Variants in ICA1 observed in about 807,000 individuals in gnomAD.
ICA1 encodes islet cell autoantigen 1, also known as 69 kDa islet cell autoantigen.
A neutral mutation model predicts 71.0 loss-of-function variants in ICA1; 40 were observed. The observed-to-expected ratio is 0.56, with a 90% confidence interval of 0.44 to 0.73. The LOEUF is 0.73. ICA1 is among the 30% of genes least tolerant of loss of function. The pLI is 0.00. For missense variants in ICA1, 578 were observed against 576.5 expected (o/e 1.00, Z -0.03); for synonymous variants, 207 against 209.5 (o/e 0.99, Z 0.10).
intron 6 of ICA1, among the ~76,000 whole-genome samples, chr7:8,183,113 A>C (rs1782728431): frequency 6.6e-6 from 1 of 152,202 alleles, no homozygotes; most frequent in Non-Finnish European, 1.5e-5. Flanking sequence ...AACTAAATAG[A>C]CCGATTTACA....
chr7:8,260,215 C>T (rs1421532213), intron 1 of ICA1, among the ~76,000 whole-genome samples: 5 of 152,120 alleles, frequency 3.3e-5, no homozygotes, highest in Admixed American at 2.6e-4. Context: ...GCTAATGCTG[C>T]TTGCACCTGA....
Position 8,228,614 on chromosome 7 carries a change from T to C in ICA1, c.243A>G (p.Gln81=). 6.3e-7 allele frequency: 1 copy of C among 1,592,244 alleles called. No individual in the cohort carries two copies. Among genetic ancestry groups the C allele is most frequent in the Non-Finnish European group, 8.6e-7 (1 of 1,166,214 alleles). ...TGTCATACTTACAACATATCCTCTTTTGATAGAGTACAATTGCTTTCGATA... is the reference window on the plus strand; with the variant it reads ...TGTCATACTTACAACATATCCTCTTCTGATAGAGTACAATTGCTTTCGATA... ...LDLSKAIVLY[Q]KRICFLSQEE... The change falls in exon 4 of 14, where the codon CAA becomes CAG. Residue 81 remains glutamine, a synonymous_variant. Coordinates refer to ENST00000402384, the MANE Select transcript of ICA1 (RefSeq NM_001136020.3).
chr7:8,235,470 G>A (rs1158661206), intron 2 of ICA1, among the ~76,000 whole-genome samples: 1 of 152,178 alleles, frequency 6.6e-6, no homozygotes, highest in Non-Finnish European at 1.5e-5. Context: ...GTTCAGGAAG[G>A]TTGAAGTCAT....
intron 12 of ICA1, among the ~76,000 whole-genome samples, chr7:8,134,450 A>G (rs1480533793): frequency 6.6e-6 from 1 of 152,180 alleles, no homozygotes; most frequent in Non-Finnish European, 1.5e-5. Flanking sequence ...CATAGACCGA[A>G]AACGAGAGCA....
intron 1 of ICA1, among the ~76,000 whole-genome samples, chr7:8,238,585 A>G (rs1157645613): frequency 6.6e-6 from 1 of 152,132 alleles, no homozygotes; most frequent in Non-Finnish European, 1.5e-5. Flanking sequence ...ATATTTTCTC[A>G]TATTCTGTAG....
chr7:8,150,109 A>G (rs1479047662), intron 8 of ICA1, among the ~76,000 whole-genome samples: 2 of 152,250 alleles, frequency 1.3e-5, no homozygotes, highest in Non-Finnish European at 2.9e-5. Context: ...TTCTTTAAAA[A>G]TAAGATAGAA....
rs747283727 is a variant in ICA1 at position 8,156,852 on chromosome 7, C to T, written c.804+264G>A. The T allele has an allele frequency of 2.7e-6, 4 of 1,500,756 alleles. No homozygotes were observed. In the African/African-American group the frequency reaches 4.3e-5, roughly 16 times the overall value. 93.0% of individuals were successfully genotyped at this position (1,500,756 alleles called of 1,614,324 possible). A position where few individuals can be genotyped will look rare whatever the true frequency, so the allele number is the denominator to read the frequency against. On this transcript the variant is annotated intron_variant, in intron 8 of 13. Transcript: ENST00000402384. ...TTCACCACAATTCATCTCCCAGGAA[C>T]ATGTATCTCAAGGTTCAAGGTTCAA...
chr7:8,137,919 C>T (rs1793966564), intron 12 of ICA1, among the ~76,000 whole-genome samples: 1 of 152,132 alleles, frequency 6.6e-6, no homozygotes, highest in South Asian at 2.1e-4. Context: ...AGTTGTCTGC[C>T]CTGGTTGACT....
chr7:8,158,689 C>A (rs1421694577), intron 6 of ICA1, 37 bp from the exon 7 acceptor site: 2 of 1,596,120 alleles, frequency 1.3e-6, no homozygotes, highest in African/African-American at 2.7e-5. Context: ...ATCACCCTAA[C>A]CCTTAAGTAG....
intron 6 of ICA1, among the ~76,000 whole-genome samples, chr7:8,213,552 C>T (rs1035988377): frequency 6.6e-6 from 1 of 152,228 alleles, no homozygotes; most frequent in South Asian, 2.1e-4. Flanking sequence ...GACACTCTTG[C>T]ATTACTTAGT....
rs1016307142 is a variant in ICA1, at chr7:8,144,991, T to A, written c.805-1019A>T. Among the ~76,000 whole-genome samples the A allele has an allele frequency of 3.3e-5, 5 of 152,100 alleles. No individual in the cohort carries two copies. Among genetic ancestry groups the A allele is most frequent in the Admixed American group, 3.3e-4 (5 of 15,278 alleles). ...TGACTGGAGGGCCAGTGAAGATGGT[T>A]CTCAGGCTGTGTCTCGGCAGAGCAG... On this transcript the variant is annotated intron_variant, in intron 8 of 13. Transcript: ENST00000402384. The surrounding 1 kb of genome is among the most constrained non-coding windows in gnomAD (Gnocchi z 4.5).
At chr7:8,158,688 A>C in intron 6 of ICA1, 36 bp from the exon 7 acceptor site, 1 of 1,596,310 alleles carries the variant, frequency 6.3e-7, no homozygotes. Context: ...AATCACCCTA[A>C]CCCTTAAGTA....
intron 9 of ICA1, among the ~76,000 whole-genome samples, chr7:8,142,792 C>G (rs140217280): frequency 1.3e-5 from 2 of 152,236 alleles, no homozygotes; most frequent in East Asian, 3.8e-4. Context: ...ATAGCTAGCA[C>G]TATTACCATC....
rs1229718818 is a variant in ICA1, at chr7:8,130,960, C to T, written c.1061-2818G>A. 6.6e-6 allele frequency among the ~76,000 whole-genome samples: 1 copy of T among 152,134 alleles called. No homozygotes were observed. Among genetic ancestry groups the T allele is most frequent in the Non-Finnish European group, 1.5e-5 (1 of 68,026 alleles). On this transcript the variant is annotated intron_variant, in intron 12 of 13. Coordinates refer to ENST00000402384, the MANE Select transcript of ICA1 (RefSeq NM_001136020.3). The surrounding 1 kb of genome is among the most constrained non-coding windows in gnomAD (Gnocchi z 4.2). ...TCTCCATGTGATCCTGGTGAGATGC[C>T]TCTGGAAATGACTCCTTACCCTCCA... is the stretch of plus-strand genomic sequence containing the variant.
At position 8,115,652 on chromosome 7, in the gene ICA1, T is replaced by A. The variant is rs1437950181; in HGVS notation, c.1331-1608A>T. 1.3e-5 allele frequency among the ~76,000 whole-genome samples: 2 copies of A among 152,248 alleles called. 1 individual carries two copies. The highest frequency in any genetic ancestry group is 3.8e-4 in the East Asian group (2 of 5,202). ...TTGCATAACACTTAAAAGAGCATCA[T>A]GGGAACATTTTTTGATGATAATGGA... On this transcript the variant is annotated intron_variant, in intron 13 of 13. Coordinates refer to ENST00000402384, the MANE Select transcript of ICA1 (RefSeq NM_001136020.3).
intron 6 of ICA1, among the ~76,000 whole-genome samples, chr7:8,187,254 G>A (rs953569167): frequency 6.6e-6 from 1 of 152,130 alleles, no homozygotes; most frequent in Non-Finnish European, 1.5e-5. Flanking sequence ...CACATGAGAT[G>A]GCCTATTTCT....
chr7:8,175,298 A>G (rs1191497837), intron 6 of ICA1, among the ~76,000 whole-genome samples: 1 of 152,142 alleles, frequency 6.6e-6, no homozygotes, highest in Non-Finnish European at 1.5e-5. Flanking sequence ...TGTGGCTAAG[A>G]CGGTTAATCA....
chr7:8,198,388 T>C (rs915452863), intron 6 of ICA1, among the ~76,000 whole-genome samples: 2 of 152,178 alleles, frequency 1.3e-5, no homozygotes, highest in African/African-American at 2.4e-5. Flanking sequence ...AGGCTGAAAA[T>C]AGTGTGAATT....
intron 6 of ICA1, 148 bp downstream of exon 6, chr7:8,218,157 G>T: frequency 1.5e-6 from 1 of 667,894 alleles, no homozygotes; most frequent in Non-Finnish European, 2.6e-6. Flanking sequence ...CACATTAATT[G>T]GTATTCTGTC....
Sources: gnomAD v4.1 joint callset for allele counts (sites outside exome capture counted in the v4.1 genomes callset) on GRCh38, gnomAD v4.1.1 for gene constraint, Gnocchi (gnomAD v3.1) non-coding constraint, MANE v1.5 for transcripts, NCBI Gene and HGNC (gene_info 2026-07-23, HGNC 2026-07-21) for gene names.